Variants in MLLT10 observed in about 807,000 individuals in gnomAD.
The protein encoded by MLLT10 is MLLT10 histone lysine methyltransferase DOT1L cofactor.
A neutral mutation model predicts 129.1 loss-of-function variants in MLLT10; 30 were observed. That is an observed-to-expected ratio of 0.23 (90% CI 0.17 to 0.32). The LOEUF (loss-of-function observed/expected upper bound fraction) is 0.32. MLLT10 is among the 10% of genes least tolerant of loss of function. The pLI is 1.00. For missense variants in MLLT10, 1,119 were observed against 1,268.3 expected, an observed-to-expected ratio of 0.88 and a Z score of 1.79; for synonymous variants, 490 against 446.4, an observed-to-expected ratio of 1.10 and a Z score of -1.23.
chr10:21,581,548 C>T (rs1202169265), intron 3 of MLLT10, among the ~76,000 whole-genome samples: 1 of 152,026 alleles, frequency 6.6e-6, no homozygotes, highest in African/African-American at 2.4e-5. Context: ...GCTGTGTATC[C>T]CCACTGAAAT....
At chr10:21,572,664 C>T (rs923018986) in intron 3 of MLLT10, among the ~76,000 whole-genome samples, 12 of 151,554 alleles carry the variant, frequency 7.9e-5, no homozygotes, top group African/African-American at 2.4e-4. Flanking sequence ...TCTGTTGCCT[C>T]GCTGGAGTGC....
intron 7 of MLLT10, among the ~76,000 whole-genome samples, chr10:21,616,173 T>C (rs2045232867): frequency 6.6e-6 from 1 of 152,136 alleles, no homozygotes; most frequent in African/African-American, 2.4e-5. Context: ...ATTTTGAGAT[T>C]ATAAAATTGA....
chr10:21,618,583 G>C (rs1428516173), intron 8 of MLLT10, among the ~76,000 whole-genome samples: 1 of 152,104 alleles, frequency 6.6e-6, no homozygotes, highest in Non-Finnish European at 1.5e-5. Context: ...AGTTTTGAGA[G>C]TAAATTCTCT....
At chr10:21,723,635 G>T (rs951864403) in intron 14 of MLLT10, among the ~76,000 whole-genome samples, 2 of 152,090 alleles carry the variant, frequency 1.3e-5, no homozygotes, top group Non-Finnish European at 2.9e-5. Context: ...CACCGTATCC[G>T]CATTCTGTAC....
intron 8 of MLLT10, among the ~76,000 whole-genome samples, chr10:21,632,629 C>G (rs2047104809): frequency 6.6e-6 from 1 of 152,104 alleles, no homozygotes; most frequent in African/African-American, 2.4e-5. Flanking sequence ...CAATATTGAA[C>G]AGTTTGTTTA....
At chr10:21,666,212 G>A (rs931296361) in intron 9 of MLLT10, among the ~76,000 whole-genome samples, 25 of 151,938 alleles carry the variant, frequency 1.6e-4, no homozygotes, top group African/African-American at 5.8e-4. Context: ...TTACCTTCAA[G>A]CAATATTATA....
chr10:21,610,520 G>A (rs1301569802), intron 5 of MLLT10, among the ~76,000 whole-genome samples: 1 of 151,994 alleles, frequency 6.6e-6, no homozygotes, highest in Non-Finnish European at 1.5e-5. Flanking sequence ...TCTGTATGTC[G>A]GTAGGACAAT....
intron 3 of MLLT10, among the ~76,000 whole-genome samples, chr10:21,547,419 T>TA (rs1173844449): frequency 6.6e-6 from 1 of 150,492 alleles, no homozygotes; most frequent in Non-Finnish European, 1.5e-5. Flanking sequence ...TTTTTTTTTT[T>TA]AAGATAGGGT....
intron 3 of MLLT10, among the ~76,000 whole-genome samples, chr10:21,541,681 C>T (rs1279468446): frequency 2.0e-5 from 3 of 152,108 alleles, no homozygotes; most frequent in Non-Finnish European, 2.9e-5. Context: ...CTACCACGCC[C>T]GGCCTGAATT....
At chr10:21,713,576 A>T (rs1437384899) in intron 13 of MLLT10, among the ~76,000 whole-genome samples, 196 bp from the exon 14 acceptor site, 1 of 152,198 alleles carries the variant, frequency 6.6e-6, no homozygotes, top group African/African-American at 2.4e-5. Context: ...AAAATGGTGT[A>T]GGTTCTTTTA....
At chr10:21,648,109 T>G (rs1464775888) in intron 8 of MLLT10, among the ~76,000 whole-genome samples, 1 of 152,186 alleles carries the variant, frequency 6.6e-6, no homozygotes, top group Non-Finnish European at 1.5e-5. Flanking sequence ...AACCTCCTCT[T>G]TATCATATAC....
chr10:21,585,443 A>T (rs1230673184), intron 3 of MLLT10, among the ~76,000 whole-genome samples: 1 of 152,144 alleles, frequency 6.6e-6, no homozygotes, highest in Non-Finnish European at 1.5e-5. Flanking sequence ...TTTGAGTACT[A>T]TTGTATTTGA....
intron 3 of MLLT10, among the ~76,000 whole-genome samples, chr10:21,551,298 T>A (rs1270039856): frequency 6.8e-6 from 1 of 147,914 alleles, no homozygotes; most frequent in Non-Finnish European, 1.5e-5. Context: ...CCTTTTTTTT[T>A]TTTTTTTTTT....
At chr10:21,660,758 C>T (rs2131346955) in intron 9 of MLLT10, among the ~76,000 whole-genome samples, 1 of 151,392 alleles carries the variant, frequency 6.6e-6, no homozygotes, top group Non-Finnish European at 1.5e-5. Flanking sequence ...CCTGTAATCC[C>T]AGCTACTCAG....
chr10:21,691,776 A>G (rs1356710601), intron 13 of MLLT10, among the ~76,000 whole-genome samples: 1 of 152,150 alleles, frequency 6.6e-6, no homozygotes, highest in African/African-American at 2.4e-5. Flanking sequence ...AGGGGTAATA[A>G]CGCAATGGTT....
At chr10:21,721,918 A>C (rs2057161070) in intron 14 of MLLT10, among the ~76,000 whole-genome samples, 5 of 152,030 alleles carry the variant, frequency 3.3e-5, no homozygotes, top group Admixed American at 3.3e-4. Context: ...GTTACAATAA[A>C]TGTTAGATAA....
intron 5 of MLLT10, among the ~76,000 whole-genome samples, chr10:21,605,086 T>TAA (rs55928488): frequency 4.3e-5 from 6 of 138,856 alleles, no homozygotes; most frequent in African/African-American, 1.3e-4. Context: ...CCCATCTCTT[T>TAA]AAAAAAAAAA....
intron 8 of MLLT10, among the ~76,000 whole-genome samples, chr10:21,651,233 G>A (rs1189591301): frequency 1.3e-5 from 2 of 151,858 alleles, no homozygotes; most frequent in African/African-American, 4.8e-5. Flanking sequence ...CACCATGCCC[G>A]GCTAATTTTT....
chr10:21,722,628 G>A (rs979435918), intron 14 of MLLT10, among the ~76,000 whole-genome samples: 4 of 151,920 alleles, frequency 2.6e-5, no homozygotes, highest in Admixed American at 2.0e-4. Context: ...TCTATGAAAC[G>A]CCAGACACTG....
Sources: gnomAD v4.1 joint callset for allele counts (sites outside exome capture counted in the v4.1 genomes callset) on GRCh38, gnomAD v4.1.1 for gene constraint, MANE v1.5 for transcripts, NCBI Gene and HGNC (gene_info 2026-07-23, HGNC 2026-07-21) for gene names.